The following SCAF8 variants were observed in gnomAD, a reference collection of about 807,000 sequenced individuals.
SCAF8 encodes the protein SR-related CTD associated factor 8.
In SCAF8, 23 loss-of-function variants were observed where a neutral mutation model predicts 140.5. The observed-to-expected ratio is 0.16, with a 90% confidence interval of 0.12 to 0.23. The LOEUF is 0.23. SCAF8 is among the 10% of genes least tolerant of loss of function. The pLI, the probability that SCAF8 is intolerant of heterozygous loss-of-function variation, is 1.00. For missense variants in SCAF8, 1,397 were observed against 1,555.7 expected, an observed-to-expected ratio of 0.90 and a Z score of 1.72; for synonymous variants, 575 against 528.9, an observed-to-expected ratio of 1.09 and a Z score of -1.20.
At chr6:154,744,166 A>C (rs866542999) in intron 1 of SCAF8, among the ~76,000 whole-genome samples, 3 of 151,982 alleles carry the variant, frequency 2.0e-5, no homozygotes, top group African/African-American at 7.3e-5. Flanking sequence ...GGTGGCGTGC[A>C]CCTGTAATCC....
intron 4 of SCAF8, among the ~76,000 whole-genome samples, chr6:154,791,968 AAAGTCTGCTTGCCAGTGGC>A (rs1267795641): frequency 1.3e-5 from 2 of 152,064 alleles, no homozygotes; most frequent in Admixed American, 6.6e-5. Context: ...ACAGATGTCA[AAAGTCTGCTTGCCAGTGGC>A]AAGCAGGTTT....
chr6:154,795,802 TG>T (rs1050524206), intron 6 of SCAF8, among the ~76,000 whole-genome samples: 2 of 152,206 alleles, frequency 1.3e-5, no homozygotes, highest in Non-Finnish European at 2.9e-5. Flanking sequence ...TGGGAAGGAT[TG>T]CTGTCTTTAT....
rs569374644 is a variant in SCAF8, at chr6:154,815,352, G to A, written c.1421-364G>A. Among the ~76,000 whole-genome samples the A allele has an allele frequency of 6.4e-4, 97 of 152,244 alleles. 5 individuals carry two copies. The South Asian group carries it at 0.017, about 27-fold the overall frequency. ...CAAATGGGATTACGGTGAGAAGTGG[G>A]TTTGAAACTTTGTTGCACATTAGAA... On this transcript the variant is annotated intron_variant, in intron 12 of 19. Coordinates refer to ENST00000367178, the MANE Select transcript of SCAF8 (RefSeq NM_014892.5).
intron 18 of SCAF8, among the ~76,000 whole-genome samples, 197 bp from the exon 19 acceptor site, chr6:154,830,725 C>A (rs1378020351): frequency 6.6e-6 from 1 of 152,042 alleles, no homozygotes; most frequent in African/African-American, 2.4e-5. Context: ...TGTTAGTTTT[C>A]CCTATTTTTG....
intron 12 of SCAF8, among the ~76,000 whole-genome samples, chr6:154,812,669 C>G (rs1778130889): frequency 6.6e-6 from 1 of 152,082 alleles, no homozygotes. Flanking sequence ...GATTTTAGAA[C>G]ATAAGGTTTT....
At chr6:154,783,326 C>G (rs960047148) in intron 3 of SCAF8, among the ~76,000 whole-genome samples, 1 of 152,064 alleles carries the variant, frequency 6.6e-6, no homozygotes, top group African/African-American at 2.4e-5. Context: ...TTGATAAAAT[C>G]TAGATGCTTT....
intron 9 of SCAF8, among the ~76,000 whole-genome samples, chr6:154,807,238 AAGAG>A (rs1273708613): frequency 2.0e-5 from 3 of 152,186 alleles, no homozygotes; most frequent in East Asian, 1.9e-4. Context: ...ACCTACCAAA[AAGAG>A]AGAACTCTGG....
intron 3 of SCAF8, among the ~76,000 whole-genome samples, chr6:154,786,772 G>A (rs564765274): frequency 6.6e-6 from 1 of 152,306 alleles, no homozygotes; most frequent in African/African-American, 2.4e-5. Flanking sequence ...ACGTAAAGAG[G>A]AAAATTTTAA....
At chr6:154,734,213 C>T (rs544944896) in intron 1 of SCAF8, among the ~76,000 whole-genome samples, 11 of 152,300 alleles carry the variant, frequency 7.2e-5, no homozygotes, top group Non-Finnish European at 1.3e-4. Context: ...CGGTTGGGCC[C>T]TCACCCGGAG....
intron 13 of SCAF8, among the ~76,000 whole-genome samples, chr6:154,816,139 T>C (rs2351848): frequency 0.61 from 92,018 of 152,042 alleles, 30,547 homozygotes; most frequent in East Asian, 0.91. Context: ...TAAAAAACTG[T>C]CTCTGAGGAA....
intron 1 of SCAF8, among the ~76,000 whole-genome samples, chr6:154,756,784 T>A (rs1583006868): frequency 6.6e-6 from 1 of 152,150 alleles, no homozygotes; most frequent in South Asian, 2.1e-4. Flanking sequence ...CCCAGCACTT[T>A]GGGAAGCGGA....
At chr6:154,784,838 A>G (rs866393312) in intron 3 of SCAF8, among the ~76,000 whole-genome samples, 1 of 152,198 alleles carries the variant, frequency 6.6e-6, no homozygotes, top group African/African-American at 2.4e-5. Flanking sequence ...TTCTATGTAC[A>G]TCTGTAGAAA....
intron 11 of SCAF8, among the ~76,000 whole-genome samples, chr6:154,809,713 T>C (rs1481705441): frequency 6.6e-6 from 1 of 152,164 alleles, no homozygotes; most frequent in Non-Finnish European, 1.5e-5. Flanking sequence ...ATTCCTGTTC[T>C]TCTGTTTGAA....
chr6:154,827,298 C>T (rs368697411), intron 18 of SCAF8, 58 bp downstream of exon 18: 506 of 1,152,352 alleles, frequency 4.4e-4, no homozygotes, highest in Non-Finnish European at 5.9e-4. Context: ...TTTAGTGTGT[C>T]AGTTCTCATT....
intron 17 of SCAF8, among the ~76,000 whole-genome samples, chr6:154,825,942 A>AAG (rs1562466024): frequency 6.6e-6 from 1 of 152,102 alleles, no homozygotes; most frequent in African/African-American, 2.4e-5. Context: ...AGGTCAAAAC[A>AAG]ATATATATAT....
At chr6:154,794,780 G>GTGTGT (rs1777544722) in intron 5 of SCAF8, among the ~76,000 whole-genome samples, 3 of 12,536 alleles carry the variant, frequency 2.4e-4, no homozygotes, top group African/African-American at 8.8e-4. Flanking sequence ...GGGTGTGGGG[G>GTGTGT]GTGTGTGTGT....
rs542062839 is a variant in SCAF8, at chr6:154,827,352, C to A, written c.2140+112C>A. 3.5e-5 allele frequency: 25 copies of A among 711,794 alleles called. No homozygotes were observed. The South Asian group carries it at 4.4e-4, about 13-fold the overall frequency. The allele number at this position is 711,794 out of a possible 1,614,324, so 44.1% of individuals were successfully genotyped here. ...TATTTTTATTATGAAAGCTTTAAGACAAATGCATGTTAGATAATTTCTAAA... is the reference window on the plus strand; with the variant it reads ...TATTTTTATTATGAAAGCTTTAAGAAAAATGCATGTTAGATAATTTCTAAA... On this transcript the variant is annotated intron_variant, in intron 18 of 19. Coordinates refer to ENST00000367178, the MANE Select transcript of SCAF8 (RefSeq NM_014892.5).
chr6:154,733,643 A>T lies in SCAF8; in HGVS notation c.-258A>T, dbSNP rs901223309. On this transcript the variant is annotated 5_prime_UTR_variant, in exon 1 of 20. Coordinates refer to ENST00000367178, the MANE Select transcript of SCAF8 (RefSeq NM_014892.5). The stretch of plus-strand genomic sequence containing the variant: ...CCAGCCCCTCCCCCGCCCGCCGCCG[A>T]CCCGCCCCGGCAGCGCCTCTGTTCC... 18 of 1,236,284 alleles carry T rather than the reference A, an allele frequency of 1.5e-5. No individual in the cohort carries two copies. The highest frequency in any genetic ancestry group is 1.6e-5 in the Non-Finnish European group (16 of 989,458). 76.6% of individuals were successfully genotyped at this position (1,236,284 alleles called of 1,614,324 possible). A position where few individuals can be genotyped will look rare whatever the true frequency, so the allele number is the denominator to read the frequency against.
At chr6:154,766,258 A>G (rs532417886) in intron 1 of SCAF8, among the ~76,000 whole-genome samples, 7 of 152,110 alleles carry the variant, frequency 4.6e-5, no homozygotes, top group Admixed American at 2.0e-4. Context: ...GAGGAGAGGG[A>G]AGGGGAGGCA....
Sources: allele counts gnomAD v4.1 joint callset (sites outside exome capture counted in the v4.1 genomes callset), GRCh38; gene constraint gnomAD v4.1.1; transcripts MANE v1.5; gene names NCBI Gene and HGNC (gene_info 2026-07-23, HGNC 2026-07-21).